The following XIRP2 variants were observed in gnomAD, a reference collection of about 807,000 sequenced individuals.
XIRP2 encodes xin actin binding repeat containing 2.
Under a neutral mutation model 277.0 loss-of-function variants are expected in XIRP2, and 236 were observed. The observed-to-expected ratio is 0.85, with a 90% CI of 0.77 to 0.95. The LOEUF is 0.95. Among genes scored for constraint, XIRP2 ranks in the 40% least tolerant of loss-of-function variants. XIRP2 has a pLI of 0.00. For synonymous variants in XIRP2, 1,490 were observed against 1,416.5 expected (o/e 1.05, Z -1.17); for missense variants, 4,640 against 4,157.5 (o/e 1.12, Z -3.19).
chr2:167,103,514 T>C (rs1690540564), intron 2 of XIRP2, among the ~76,000 whole-genome samples: 1 of 152,168 alleles, frequency 6.6e-6, no homozygotes, highest in Non-Finnish European at 1.5e-5. Context: ...CCTTGAGATT[T>C]AGAGAGTCAC....
chr2:167,187,380 CTT>C (rs1408392654), intron 3 of XIRP2: 1 of 985,244 alleles, frequency 1.0e-6, no homozygotes, highest in African/African-American at 1.7e-5. Context: ...TTGATAGACC[CTT>C]CAGTGGAGCG....
intron 5 of XIRP2, among the ~76,000 whole-genome samples, chr2:167,233,963 TGTTA>T (rs1224905696): frequency 3.3e-5 from 5 of 151,730 alleles, no homozygotes; most frequent in Non-Finnish European, 7.4e-5. Context: ...AAATAAATAT[TGTTA>T]TTTATATGAC....
intron 3 of XIRP2, among the ~76,000 whole-genome samples, chr2:167,158,837 G>T (rs1692279582): frequency 6.6e-6 from 1 of 152,076 alleles, no homozygotes; most frequent in Admixed American, 6.5e-5. Flanking sequence ...TATTTGAACA[G>T]GGAAAGTATA....
At chr2:167,133,903 T>C (rs1691457594) in intron 2 of XIRP2, among the ~76,000 whole-genome samples, 1 of 152,162 alleles carries the variant, frequency 6.6e-6, no homozygotes, top group Admixed American at 6.5e-5. Flanking sequence ...TCACTACAAG[T>C]TATGAACATA....
intron 2 of XIRP2, among the ~76,000 whole-genome samples, chr2:166,960,140 A>C (rs1347990619): frequency 6.6e-6 from 1 of 151,782 alleles, no homozygotes; most frequent in Non-Finnish European, 1.5e-5. Flanking sequence ...TTGTGAACAC[A>C]CTGGGCTAAA....
rs1695134390 is a variant in XIRP2 at position 167,243,350 on chromosome 2, C to G, written c.1958C>G (p.Thr653Arg). The change falls in exon 9 of 11, where the codon ACA becomes AGA. Residue 653 changes from threonine (T) to arginine (R), a missense_variant. Thr to Arg is a moderately conservative substitution (Grantham distance 71, BLOSUM62 -1). Transcript: ENST00000409195. ...GAGCTAGCCAGAGGAGATGTCTGCA[C>G]AGCTCGGTGGATGTTTGAAACAAGG... is the stretch of plus-strand genomic sequence containing the variant. ...IPELARGDVC[T>R]ARWMFETRPL... The G allele has an allele frequency of 1.2e-6, 2 of 1,613,938 alleles. No homozygotes were observed. Among genetic ancestry groups the G allele is most frequent in the South Asian group, 1.1e-5 (1 of 91,080 alleles).
intron 2 of XIRP2, among the ~76,000 whole-genome samples, chr2:167,114,951 T>C (rs1031764342): frequency 1.3e-5 from 2 of 152,290 alleles, no homozygotes; most frequent in South Asian, 4.1e-4. Context: ...GTCCTTTGGG[T>C]ATATACCCAG....
chr2:166,935,877 G>C (rs1433082545), intron 2 of XIRP2, among the ~76,000 whole-genome samples: 1 of 152,172 alleles, frequency 6.6e-6, no homozygotes, highest in Non-Finnish European at 1.5e-5. Context: ...AAACATACGT[G>C]AGCATGTGTC....
At position 167,193,879 on chromosome 2, in the gene XIRP2, C is replaced by CAAAA. The variant is rs767047580; in HGVS notation, c.563-16838_563-16835dup. 4.3e-4 allele frequency among the ~76,000 whole-genome samples: 31 copies of CAAAA among 71,784 alleles called. 2 individuals are homozygous for CAAAA. The highest frequency in any genetic ancestry group is 3.8e-3 in the East Asian group (9 of 2,348). 47.1% of individuals were successfully genotyped at this position (71,784 alleles called of 152,430 possible). ...GGTGACACAGTATGAGACTCTGTCTCAAAAAAAAAAAAAAAAAAAAATTCA... is the reference window on the plus strand; with the variant it reads ...GGTGACACAGTATGAGACTCTGTCTCAAAAAAAAAAAAAAAAAAAAAAAAATTCA... On this transcript the variant is annotated intron_variant, in intron 3 of 10. Coordinates refer to ENST00000409195, the MANE Select transcript of XIRP2 (RefSeq NM_152381.6).
intron 2 of XIRP2, among the ~76,000 whole-genome samples, chr2:166,937,142 T>G (rs1267374158): frequency 3.5e-4 from 54 of 152,174 alleles, no homozygotes; most frequent in Admixed American, 3.5e-3. Context: ...ATAGGAGTGG[T>G]GAGAGAGGGC....
At chr2:167,256,845 C>T (rs773335117) in intron 10 of XIRP2, among the ~76,000 whole-genome samples, 17 of 151,852 alleles carry the variant, frequency 1.1e-4, no homozygotes, top group Non-Finnish European at 2.4e-4. Flanking sequence ...CTCCTCTTCT[C>T]CATATTTTTC....
Position 166,903,713 on chromosome 2 carries a change from G to A in XIRP2, c.231G>A (p.Glu77=). 1.2e-6 allele frequency: 2 copies of A among 1,613,706 alleles called. No individual in the cohort carries two copies. Among genetic ancestry groups the A allele is most frequent in the Non-Finnish European group, 1.7e-6 (2 of 1,179,816 alleles). ...AGATGTGGAGTTCGAAGCCGGAAGA[G>A]AAGGATTCTGTGGACAAGAGTAACA... The part of the protein sequence containing the change: ...GEEMWSSKPE[E]KDSVDKSNNT... Residue 77 remains glutamate (E), a synonymous_variant, in exon 2 of 11, where the codon GAG becomes GAA. Coordinates refer to ENST00000409195, the MANE Select transcript of XIRP2 (RefSeq NM_152381.6).
intron 2 of XIRP2, among the ~76,000 whole-genome samples, chr2:167,021,421 A>G (rs948638652): frequency 2.0e-5 from 3 of 152,116 alleles, no homozygotes; most frequent in African/African-American, 7.2e-5. Context: ...TAATTATAGC[A>G]CTACACGTGC....
chr2:167,031,958 A>C (rs1312713779), intron 2 of XIRP2, among the ~76,000 whole-genome samples: 1 of 152,172 alleles, frequency 6.6e-6, no homozygotes, highest in African/African-American at 2.4e-5. Flanking sequence ...AACTACTTTA[A>C]ATTTCATATG....
intron 2 of XIRP2, among the ~76,000 whole-genome samples, chr2:167,051,535 T>C (rs1688913833): frequency 6.6e-6 from 1 of 152,090 alleles, no homozygotes; most frequent in African/African-American, 2.4e-5. Context: ...ATTATGATAA[T>C]GCATTATACT....
At chr2:167,173,950 C>A in intron 3 of XIRP2, among the ~76,000 whole-genome samples, 1 of 152,150 alleles carries the variant, frequency 6.6e-6, no homozygotes, top group Non-Finnish European at 1.5e-5. Context: ...GGCCTTGCAT[C>A]CCAGGGATGA....
In XIRP2 at chr2:167,081,855, G is replaced by C. The variant is rs562277687; in HGVS notation, c.409-54054G>C. On this transcript the variant is annotated intron_variant, in intron 2 of 10. Coordinates refer to ENST00000409195, the MANE Select transcript of XIRP2 (RefSeq NM_152381.6). ...AGAGAGCTCTTAATAAATGATTCTT[G>C]TTTCCATCAATTGTGGTACCTTACA... Among the ~76,000 whole-genome samples the C allele has an allele frequency of 9.9e-5, 15 of 152,096 alleles. No individual in the cohort carries two copies. In the East Asian group the frequency reaches 2.3e-3, roughly 24 times the overall value.
Position 167,241,896 on chromosome 2 carries a change from G to A in XIRP2, c.1162G>A (p.Ala388Thr), listed in dbSNP as rs764971006. 2.3e-5 allele frequency: 37 copies of A among 1,612,472 alleles called. No homozygotes were observed. The highest frequency in any genetic ancestry group is 3.0e-5 in the Non-Finnish European group (35 of 1,179,380). The change falls in exon 8 of 11, where the codon GCC (alanine) becomes ACC (threonine). Residue 388 changes from alanine (A) to threonine (T), a missense_variant. Physicochemically the swap from Ala to Thr is moderately conservative, Grantham distance 58. Coordinates refer to ENST00000409195, the MANE Select transcript of XIRP2 (RefSeq NM_152381.6). ...TTCTGACAAAGAGATGACAACCCCAGCCAAGCAGATTAAGGTAAAGTCATT... is the reference window on the plus strand; with the variant it reads ...TTCTGACAAAGAGATGACAACCCCAACCAAGCAGATTAAGGTAAAGTCATT... ...LYSDKEMTTP[A>T]KQIKTESEYE...
At chr2:167,009,989 T>C (rs1391324820) in intron 2 of XIRP2, among the ~76,000 whole-genome samples, 22 of 152,042 alleles carry the variant, frequency 1.4e-4, no homozygotes, top group African/African-American at 5.1e-4. Flanking sequence ...GAGTAGCTTG[T>C]GAAAATTTTC....
Sources: gnomAD v4.1 joint callset for allele counts (sites outside exome capture counted in the v4.1 genomes callset) on GRCh38, gnomAD v4.1.1 for gene constraint, MANE v1.5 for transcripts, NCBI Gene and HGNC (gene_info 2026-07-23, HGNC 2026-07-21) for gene names.